The following NXPH1 variants were observed in gnomAD, a reference collection of about 807,000 sequenced individuals.
The protein encoded by NXPH1 is neurexophilin 1.
A neutral mutation model predicts 23.7 loss-of-function variants in NXPH1; 5 were observed. That is an observed-to-expected ratio of 0.21 (90% CI 0.11 to 0.44). NXPH1 has a LOEUF of 0.44. Ranked by LOEUF, NXPH1 falls within the 20% of genes least tolerant of loss-of-function variation. The probability of loss-of-function intolerance (pLI) is 0.99; values close to 1 mark genes in which losing one functional copy is unlikely to be tolerated. For synonymous variants in NXPH1, 144 were observed against 122.2 expected, an observed-to-expected ratio of 1.18 and a Z score of -1.18; for missense variants, 324 against 321.6, an observed-to-expected ratio of 1.01 and a Z score of -0.06.
At chr7:8,445,626 A>T (rs763612028) in intron 2 of NXPH1, among the ~76,000 whole-genome samples, 2 of 152,270 alleles carry the variant, frequency 1.3e-5, no homozygotes, top group Non-Finnish European at 2.9e-5. Context: ...ACAAAGATTT[A>T]GAGAAAATTT....
chr7:8,562,963 C>T (rs1052801246), intron 2 of NXPH1, among the ~76,000 whole-genome samples: 2 of 151,642 alleles, frequency 1.3e-5, no homozygotes, highest in African/African-American at 4.8e-5. Flanking sequence ...ATAAATATGG[C>T]TCTAACATCA....
At chr7:8,579,141 C>T (rs1295050986) in intron 2 of NXPH1, among the ~76,000 whole-genome samples, 1 of 152,154 alleles carries the variant, frequency 6.6e-6, no homozygotes, top group Non-Finnish European at 1.5e-5. Context: ...AACTTGAACT[C>T]AGATTTTCTT....
chr7:8,595,635 C>A lies in NXPH1; in HGVS notation c.55-155373C>A, dbSNP rs560785334. On this transcript the variant is annotated intron_variant, in intron 2 of 2. Transcript: ENST00000405863. ...CAGTTTTTAATGCTGCAACTTCTGA[C>A]AATTTGTGAAAGTGTATCTGACTTC... Among the ~76,000 whole-genome samples, 10 of 152,096 alleles carry A rather than the reference C, an allele frequency of 6.6e-5. No individual in the cohort carries two copies. In the South Asian group the frequency reaches 2.1e-3, roughly 32 times the overall value.
intron 2 of NXPH1, among the ~76,000 whole-genome samples, chr7:8,612,025 C>G (rs899379116): frequency 6.6e-6 from 1 of 152,038 alleles, no homozygotes; most frequent in African/African-American, 2.4e-5. Flanking sequence ...CTTGAAGTTT[C>G]CAGAGTAATA....
chr7:8,696,370 G>A (rs1021331360), intron 2 of NXPH1, among the ~76,000 whole-genome samples: 5 of 152,176 alleles, frequency 3.3e-5, no homozygotes, highest in African/African-American at 1.2e-4. Flanking sequence ...CAAGGTTCTT[G>A]CTTTCATGGG....
At chr7:8,457,325 G>A (rs1050096138) in intron 2 of NXPH1, among the ~76,000 whole-genome samples, 1 of 152,096 alleles carries the variant, frequency 6.6e-6, no homozygotes, top group Non-Finnish European at 1.5e-5. Flanking sequence ...TTCCTAAATG[G>A]GGGAAGAAAA....
intron 2 of NXPH1, among the ~76,000 whole-genome samples, chr7:8,478,971 C>T (rs1446423135): frequency 6.6e-6 from 1 of 152,014 alleles, no homozygotes; most frequent in Non-Finnish European, 1.5e-5. Context: ...CCCTTGAGAA[C>T]TTTCTGAGAG....
intron 2 of NXPH1, among the ~76,000 whole-genome samples, chr7:8,515,471 T>C (rs1245898228): frequency 6.6e-6 from 1 of 152,184 alleles, no homozygotes; most frequent in Non-Finnish European, 1.5e-5. Flanking sequence ...AGGGATTCAT[T>C]CATGTGTTGT....
chr7:8,752,102 A>C lies in NXPH1; in HGVS notation c.*333A>C, dbSNP rs747126807. ...AGAGGGCTTTCATTGTCTGACTCATAATGGTTCAGGATCAACTATCATCAA... is the reference window on the plus strand; with the variant it reads ...AGAGGGCTTTCATTGTCTGACTCATCATGGTTCAGGATCAACTATCATCAA... On this transcript the variant is annotated 3_prime_UTR_variant, in exon 3 of 3. Coordinates refer to ENST00000405863, the MANE Select transcript of NXPH1 (RefSeq NM_152745.3). 5 of 230,234 alleles carry C rather than the reference A, an allele frequency of 2.2e-5. No homozygotes were observed. The highest frequency in any genetic ancestry group is 4.3e-5 in the Non-Finnish European group (5 of 115,232). 14.3% of individuals were successfully genotyped at this position (230,234 alleles called of 1,614,324 possible). A position where few individuals can be genotyped will look rare whatever the true frequency, so the allele number is the denominator to read the frequency against.
chr7:8,456,984 C>G (rs1816606539), intron 2 of NXPH1, among the ~76,000 whole-genome samples: 1 of 152,178 alleles, frequency 6.6e-6, no homozygotes, highest in Non-Finnish European at 1.5e-5. Flanking sequence ...ACAATATCTT[C>G]TAAACATTGT....
At chr7:8,635,401 C>T (rs899168844) in intron 2 of NXPH1, among the ~76,000 whole-genome samples, 7 of 152,190 alleles carry the variant, frequency 4.6e-5, no homozygotes, top group Non-Finnish European at 8.8e-5. Flanking sequence ...TCCTACCTTT[C>T]TCTTTTTAGT....
At chr7:8,533,628 G>C (rs1817985493) in intron 2 of NXPH1, among the ~76,000 whole-genome samples, 1 of 152,068 alleles carries the variant, frequency 6.6e-6, no homozygotes, top group South Asian at 2.1e-4. Context: ...TACATTTTCT[G>C]CTTTTTCCAA....
At chr7:8,513,849 C>T (rs1420852066) in intron 2 of NXPH1, among the ~76,000 whole-genome samples, 2 of 152,044 alleles carry the variant, frequency 1.3e-5, no homozygotes, top group African/African-American at 2.4e-5. Context: ...AACTTGGAGG[C>T]CTAAACAACA....
intron 2 of NXPH1, among the ~76,000 whole-genome samples, chr7:8,695,226 G>T (rs554709977): frequency 6.6e-6 from 1 of 152,256 alleles, no homozygotes; most frequent in South Asian, 2.1e-4. Flanking sequence ...GCGGATGCTA[G>T]GTCTTTGAAG....
At chr7:8,506,987 G>T (rs1050220738) in intron 2 of NXPH1, among the ~76,000 whole-genome samples, 2 of 149,424 alleles carry the variant, frequency 1.3e-5, no homozygotes, top group Non-Finnish European at 2.9e-5. Context: ...AGATTTGCAT[G>T]TCAAGTGCCC....
chr7:8,703,791 T>C (rs751544337), intron 2 of NXPH1, among the ~76,000 whole-genome samples: 2 of 152,112 alleles, frequency 1.3e-5, no homozygotes, highest in Admixed American at 6.6e-5. Context: ...ATTTTATTCC[T>C]TATTATTGCG....
At chr7:8,648,506 T>C (rs1002261419) in intron 2 of NXPH1, among the ~76,000 whole-genome samples, 2 of 152,240 alleles carry the variant, frequency 1.3e-5, no homozygotes, top group East Asian at 3.8e-4. Flanking sequence ...CATTGTATTT[T>C]ATGGTTGAAG....
intron 2 of NXPH1, among the ~76,000 whole-genome samples, chr7:8,590,927 C>T (rs377372500): frequency 1.2e-4 from 18 of 152,004 alleles, no homozygotes; most frequent in Admixed American, 9.2e-4. Context: ...AAAATTACAT[C>T]GGCTTTCTGA....
chr7:8,452,732 A>C (rs1392258100), intron 2 of NXPH1, among the ~76,000 whole-genome samples: 1 of 152,158 alleles, frequency 6.6e-6, no homozygotes, highest in Non-Finnish European at 1.5e-5. Flanking sequence ...GACATATCTC[A>C]GTTTTCCTAA....
Sources: allele counts gnomAD v4.1 joint callset (sites outside exome capture counted in the v4.1 genomes callset), GRCh38; gene constraint gnomAD v4.1.1; transcripts MANE v1.5; gene names NCBI Gene and HGNC (gene_info 2026-07-23, HGNC 2026-07-21).